The following TMEM163 variants were observed in gnomAD, a reference collection of about 807,000 sequenced individuals.
TMEM163 encodes transmembrane protein 163.
Under a neutral mutation model 29.3 loss-of-function variants are expected in TMEM163, and 17 were observed. The ratio of observed to expected loss-of-function variants is 0.58; its 90% CI spans 0.40 to 0.87. TMEM163 has a LOEUF of 0.87. TMEM163 is among the 40% of genes least tolerant of loss of function. The probability of loss-of-function intolerance (pLI) is 0.00; values close to 1 mark genes in which losing one functional copy is unlikely to be tolerated. For synonymous variants in TMEM163, 157 were observed against 160.6 expected, an observed-to-expected ratio of 0.98 and a Z score of 0.17; for missense variants, 303 against 381.5, an observed-to-expected ratio of 0.79 and a Z score of 1.71.
At chr2:134,610,690 A>G (rs1318105653) in intron 2 of TMEM163, among the ~76,000 whole-genome samples, 2 of 152,196 alleles carry the variant, frequency 1.3e-5, no homozygotes. Flanking sequence ...TTTCTGTACA[A>G]ATGATACCCA....
chr2:134,533,029 T>A (rs1680448531), intron 4 of TMEM163, among the ~76,000 whole-genome samples: 1 of 152,184 alleles, frequency 6.6e-6, no homozygotes, highest in Admixed American at 6.5e-5. Flanking sequence ...TCAGTTTAGT[T>A]GTTTCTTATT....
chr2:134,577,325 A>G (rs551648453), intron 2 of TMEM163, among the ~76,000 whole-genome samples: 3 of 152,186 alleles, frequency 2.0e-5, no homozygotes, highest in Non-Finnish European at 4.4e-5. Context: ...CTCAGGAAAC[A>G]CCTATATCAG....
intron 4 of TMEM163, among the ~76,000 whole-genome samples, chr2:134,547,723 T>TCATTGG (rs1196908966): frequency 7.2e-5 from 11 of 152,246 alleles, no homozygotes; most frequent in Admixed American, 1.3e-4. Flanking sequence ...CCAAGTGAAT[T>TCATTGG]CATTGGCATT....
chr2:134,510,764 T>G (rs1433653591), intron 4 of TMEM163, among the ~76,000 whole-genome samples: 1 of 152,018 alleles, frequency 6.6e-6, no homozygotes, highest in East Asian at 1.9e-4. Context: ...GTCTGGACAG[T>G]GAGATACACT....
At chr2:134,579,853 G>T (rs2104793460) in intron 2 of TMEM163, among the ~76,000 whole-genome samples, 1 of 152,296 alleles carries the variant, frequency 6.6e-6, no homozygotes, top group East Asian at 1.9e-4. Flanking sequence ...TACTGCATGG[G>T]TATTTCGTGC....
intron 2 of TMEM163, among the ~76,000 whole-genome samples, chr2:134,586,652 G>A (rs995850024): frequency 5.3e-5 from 8 of 152,126 alleles, no homozygotes; most frequent in Admixed American, 3.9e-4. Flanking sequence ...ATTTTGGAGG[G>A]ACACAATTCA....
At position 134,718,899 on chromosome 2, in the gene TMEM163, G is replaced by T; in HGVS notation, c.37C>A (p.Gln13Lys). ...GGCGGCGGCGGGACGGTGGGCCCCT[G>T]GGAGCTGCGGCGCTGGATGCCCGCG... ...PAAGIQRRSS[Q>K]GPTVPPPPRG... The change falls in exon 1 of 8, where the codon CAG becomes AAG. Residue 13 changes from glutamine (Q) to lysine (K), a missense_variant. Coordinates refer to ENST00000281924, the MANE Select transcript of TMEM163 (RefSeq NM_030923.5). The T allele has an allele frequency of 9.2e-7, 1 of 1,084,106 alleles. No homozygotes were observed. The highest frequency in any genetic ancestry group is 1.1e-6 in the Non-Finnish European group (1 of 895,078). The allele number at this position is 1,084,106 out of a possible 1,614,324, so 67.2% of individuals were successfully genotyped here. A position where few individuals can be genotyped will look rare whatever the true frequency, so the allele number is the denominator to read the frequency against.
At chr2:134,464,359 C>T in intron 6 of TMEM163, among the ~76,000 whole-genome samples, 1 of 152,166 alleles carries the variant, frequency 6.6e-6, no homozygotes, top group East Asian at 1.9e-4. Flanking sequence ...AGTTCCCGGG[C>T]CCCAATTCAA....
intron 5 of TMEM163, among the ~76,000 whole-genome samples, chr2:134,495,074 G>A (rs1679519101): frequency 6.6e-6 from 1 of 152,228 alleles, no homozygotes; most frequent in Non-Finnish European, 1.5e-5. Flanking sequence ...AGGCTGAGGG[G>A]TGGTGGGAAT....
At chr2:134,516,780 C>CATATATATATGCATATATACGAAT (rs6146922) in intron 4 of TMEM163, among the ~76,000 whole-genome samples, 1 of 139,460 alleles carries the variant, frequency 7.2e-6, no homozygotes, top group Non-Finnish European at 1.5e-5. Flanking sequence ...CATATCTATT[C>CATATATATATGCATATATACGAAT]ATATATATAT....
chr2:134,496,858 C>T (rs1163551715), intron 5 of TMEM163, among the ~76,000 whole-genome samples: 1 of 152,150 alleles, frequency 6.6e-6, no homozygotes, highest in African/African-American at 2.4e-5. Flanking sequence ...CTCCTTCTAC[C>T]CAGAGACTTC....
chr2:134,656,082 C>A lies in TMEM163; in HGVS notation c.322+57118G>T, dbSNP rs1039916616. ...GAGCTGTGGTGGGCTCCACCCAGTT[C>A]GAGCTTCCTGGCTGCTTTGTTTACC... On this transcript the variant is annotated intron_variant, in intron 2 of 7. Coordinates refer to ENST00000281924, the MANE Select transcript of TMEM163 (RefSeq NM_030923.5). 4.9e-5 allele frequency among the ~76,000 whole-genome samples: 7 copies of A among 143,956 alleles called. 1 individual carries two copies. The highest frequency in any genetic ancestry group is 1.1e-4 in the African/African-American group (4 of 35,612). 94.4% of individuals were successfully genotyped at this position (143,956 alleles called of 152,430 possible). A position where few individuals can be genotyped will look rare whatever the true frequency, so the allele number is the denominator to read the frequency against.
intron 4 of TMEM163, among the ~76,000 whole-genome samples, chr2:134,541,336 C>G (rs917281870): frequency 2.6e-5 from 4 of 152,244 alleles, no homozygotes; most frequent in African/African-American, 9.6e-5. Flanking sequence ...AATTATAACT[C>G]TTAGTGCTGG....
intron 6 of TMEM163, among the ~76,000 whole-genome samples, chr2:134,464,450 C>G (rs1406661282): frequency 6.6e-6 from 1 of 152,192 alleles, no homozygotes; most frequent in Non-Finnish European, 1.5e-5. Flanking sequence ...TGCTGCCAGC[C>G]TGGTAGTGGT....
In TMEM163 at chr2:134,693,944, G is replaced by A. The variant is rs566841375; in HGVS notation, c.322+19256C>T. On this transcript the variant is annotated intron_variant, in intron 2 of 7. Transcript: ENST00000281924. ...CTGCAGATCTGTCTTGTGAACAATG[G>A]AGATGGGTCCCATGGTTGAGAGTAG... Among the ~76,000 whole-genome samples the A allele has an allele frequency of 3.9e-5, 6 of 152,294 alleles. 1 individual carries two copies. The South Asian group carries it at 6.2e-4, about 16-fold the overall frequency.
chr2:134,487,568 A>G (rs1016107199), intron 5 of TMEM163, among the ~76,000 whole-genome samples: 3 of 152,256 alleles, frequency 2.0e-5, no homozygotes, highest in Admixed American at 2.0e-4. Context: ...TTCGTATGGA[A>G]TATTACTAAT....
At chr2:134,602,947 C>T (rs1349812972) in intron 2 of TMEM163, among the ~76,000 whole-genome samples, 1 of 152,114 alleles carries the variant, frequency 6.6e-6, no homozygotes, top group Non-Finnish European at 1.5e-5. Context: ...ACCTAGCTCC[C>T]CAGCTATACT....
chr2:134,578,440 C>T (rs1041609036), intron 2 of TMEM163, among the ~76,000 whole-genome samples: 1 of 152,160 alleles, frequency 6.6e-6, no homozygotes. Flanking sequence ...GCGTGATGTT[C>T]CTGTCAGCCA....
chr2:134,554,707 G>A (rs2104772971), intron 2 of TMEM163, among the ~76,000 whole-genome samples: 1 of 152,284 alleles, frequency 6.6e-6, no homozygotes, highest in Admixed American at 6.5e-5. Flanking sequence ...CTAAATGGTG[G>A]GTGGGGTGTC....
Sources: allele counts gnomAD v4.1 joint callset (sites outside exome capture counted in the v4.1 genomes callset), GRCh38; gene constraint gnomAD v4.1.1; transcripts MANE v1.5; gene names NCBI Gene and HGNC (gene_info 2026-07-23, HGNC 2026-07-21).